Variants in H6PD observed in about 807,000 individuals in gnomAD.
H6PD encodes the protein hexose-6-phosphate dehydrogenase/glucose 1-dehydrogenase, also known as GDH/6PGL endoplasmic bifunctional protein.
In H6PD, 48 loss-of-function variants were observed where a neutral mutation model predicts 61.2. The observed-to-expected ratio is 0.78, with a 90% CI of 0.62 to 1.00. H6PD has a LOEUF of 1.00. H6PD is among the 50% of genes least tolerant of loss of function. The probability of loss-of-function intolerance (pLI) is 0.00; values close to 1 mark genes in which losing one functional copy is unlikely to be tolerated. For synonymous variants in H6PD, 480 were observed against 457.9 expected, an observed-to-expected ratio of 1.05 and a Z score of -0.62; for missense variants, 1,093 against 1,065.0, an observed-to-expected ratio of 1.03 and a Z score of -0.37.
At position 9,249,367 on chromosome 1, in the gene H6PD, C is replaced by A. The variant is rs3861753; in HGVS notation, c.745+2284C>A. On this transcript the variant is annotated intron_variant, in intron 3 of 4. Transcript: ENST00000377403. ...AAAGAAACACGGAAGATATGAAAGA[C>A]AGACAGGTGGAGCTCTGGGCAGGTC... is the stretch of plus-strand genomic sequence containing the variant. Among the ~76,000 whole-genome samples, 1,141 of 152,290 alleles carry A rather than the reference C, an allele frequency of 7.5e-3. 12 individuals carry two copies. The highest frequency in any genetic ancestry group is 0.026 in the African/African-American group (1,080 of 41,540).
rs1366784928 is a variant in H6PD, at chr1:9,271,216, G to GA, written c.*6348dup. On this transcript the variant is annotated 3_prime_UTR_variant, in exon 5 of 5. Transcript: ENST00000377403. ...CCCAAAGTGCTGGGATTACAGGCGG[G>GA]AGCCACCATGCCTGGCCAGAACAAA... The GA allele has an allele frequency of 6.6e-6, 1 of 152,210 alleles. No individual in the cohort carries two copies. Among genetic ancestry groups the GA allele is most frequent in the Non-Finnish European group, 1.5e-5 (1 of 68,040 alleles). 9.4% of individuals were successfully genotyped at this position (152,210 alleles called of 1,614,324 possible).
chr1:9,242,131 G>C lies in H6PD; in HGVS notation c.-10-2794G>C, dbSNP rs79388906. 6.1e-3 allele frequency among the ~76,000 whole-genome samples: 936 copies of C among 152,238 alleles called. 5 individuals are homozygous for C. The highest frequency in any genetic ancestry group is 0.021 in the African/African-American group (858 of 41,544). ...AGAAAGGGAGCAGGAGGCGAGGACCGCGTGTTTGTTCTGATGCCCTCCTTT... is the reference window on the plus strand; with the variant it reads ...AGAAAGGGAGCAGGAGGCGAGGACCCCGTGTTTGTTCTGATGCCCTCCTTT... On this transcript the variant is annotated intron_variant, in intron 1 of 4. Transcript: ENST00000377403.
chr1:9,258,685 C>T (rs562891789), intron 3 of H6PD, among the ~76,000 whole-genome samples: 39 of 140,240 alleles, frequency 2.8e-4, no homozygotes, highest in Non-Finnish European at 5.5e-4. Context: ...GCTGGTGTTA[C>T]ATTGTTACAC....
chr1:9,262,286 C>T lies in H6PD; in HGVS notation c.973C>T (p.Gln325Ter). Residue 325 changes from glutamine to a stop codon, truncating the protein, a stop_gained, in exon 4 of 5, where the codon CAG becomes TAG. Transcript: ENST00000377403. LOFTEE classifies it low-confidence loss of function (END_TRUNC). ...SYSEQVRREL[Q>*]KPDSFHSLTP... ...CAGTGAGCAGGTGCGCAGAGAGCTG[C>T]AGAAGCCAGACAGCTTCCACAGCCT... is the stretch of plus-strand genomic sequence containing the variant. 3.7e-6 allele frequency: 6 copies of T among 1,608,754 alleles called. No homozygotes were observed. The highest frequency in any genetic ancestry group is 5.1e-6 in the Non-Finnish European group (6 of 1,177,628).
Position 9,270,930 on chromosome 1 carries a change from C to CACATTCAGA in H6PD, c.*6065_*6073dup, listed in dbSNP as rs1395816854. ...CAGATGCCTGCCTGGGATGATGAGGCACATTCAGAACAAATGCTTTTTTTT... is the reference window on the plus strand; with the variant it reads ...CAGATGCCTGCCTGGGATGATGAGGCACATTCAGAACATTCAGAACAAATGCTTTTTTTT... On this transcript the variant is annotated 3_prime_UTR_variant, in exon 5 of 5. Transcript: ENST00000377403. The CACATTCAGA allele has an allele frequency of 1.4e-5, 2 of 146,598 alleles. No individual in the cohort carries two copies. Among genetic ancestry groups the CACATTCAGA allele is most frequent in the Non-Finnish European group, 3.0e-5 (2 of 67,072 alleles). 9.1% of individuals were successfully genotyped at this position (146,598 alleles called of 1,614,324 possible). A position where few individuals can be genotyped will look rare whatever the true frequency, so the allele number is the denominator to read the frequency against.
In H6PD at chr1:9,264,920, G is replaced by A; in HGVS notation, c.*51G>A. On this transcript the variant is annotated 3_prime_UTR_variant, in exon 5 of 5. Transcript: ENST00000377403. ...CGCTCCTGTGCTTTCCTTCGCCCGT[G>A]TCTTCCCTCCCTTCTCGGCCCCGCC... The A allele has an allele frequency of 6.3e-7, 1 of 1,597,672 alleles. No homozygotes were observed. The highest frequency in any genetic ancestry group is 8.5e-7 in the Non-Finnish European group (1 of 1,174,156).
intron 3 of H6PD, among the ~76,000 whole-genome samples, chr1:9,258,266 T>A (rs76607267): frequency 1.7e-5 from 1 of 60,438 alleles, no homozygotes; most frequent in African/African-American, 3.7e-5. Context: ...TACATCAGTG[T>A]TGTTACGTTG....
intron 1 of H6PD, among the ~76,000 whole-genome samples, chr1:9,235,295 G>T (rs968752937): frequency 1.3e-5 from 2 of 152,088 alleles, no homozygotes; most frequent in Non-Finnish European, 2.9e-5. Flanking sequence ...TTCCAGGAGA[G>T]GGGGAACTCC....
rs1641200367 is a variant in H6PD at position 9,247,037 on chromosome 1, T to C, written c.699T>C (p.His233=). Residue 233 remains histidine (H), a synonymous_variant, in exon 3 of 5, where the codon CAT becomes CAC. Transcript: ENST00000377403. The stretch of plus-strand genomic sequence containing the variant: ...TGGACGGCCTCTGGAACCGGCACCA[T>C]GTGGAGCGGGTGGAGATCATCATGA... ...KALDGLWNRH[H]VERVEIIMKE... The C allele has an allele frequency of 1.9e-6, 3 of 1,613,580 alleles. No homozygotes were observed. The highest frequency in any genetic ancestry group is 2.5e-6 in the Non-Finnish European group (3 of 1,179,654).
chr1:9,244,878 A>G, intron 1 of H6PD, 47 bp from the exon 2 acceptor site: 2 of 1,581,654 alleles, frequency 1.3e-6, no homozygotes, highest in South Asian at 1.1e-5. Flanking sequence ...CACCTGAACC[A>G]TGTCTGATCC....
intron 4 of H6PD, 121 bp from the exon 5 acceptor site, chr1:9,263,367 CAGGCGAGGGGTGAGCATGGCA>C: frequency 1.3e-6 from 1 of 796,240 alleles, no homozygotes; most frequent in Non-Finnish European, 2.2e-6. Flanking sequence ...GAAGAGATGC[CAGGCGAGGGGTGAGCATGGCA>C]AGGCGAGGGG....
chr1:9,262,400 C>T, intron 4 of H6PD, 72 bp downstream of exon 4: 3 of 1,397,532 alleles, frequency 2.1e-6, no homozygotes, highest in South Asian at 1.2e-5. Context: ...AATGCAGACG[C>T]CCTTGGGTGG....
Position 9,271,112 on chromosome 1 carries a change from T to G in H6PD, c.*6243T>G, listed in dbSNP as rs1310942588. 1.3e-5 allele frequency: 2 copies of G among 152,272 alleles called. No individual in the cohort carries two copies. The highest frequency in any genetic ancestry group is 2.9e-5 in the Non-Finnish European group (2 of 68,042). The allele number at this position is 152,272 out of a possible 1,614,324, so 9.4% of individuals were successfully genotyped here. ...CCATGCCCAGCAAATTTTTGTGTTT[T>G]TAGTAGAGACGGAGTTTCACCATGT... On this transcript the variant is annotated 3_prime_UTR_variant, in exon 5 of 5. Transcript: ENST00000377403.
chr1:9,248,202 C>G (rs1336656278), intron 3 of H6PD, among the ~76,000 whole-genome samples: 1 of 152,228 alleles, frequency 6.6e-6, no homozygotes, highest in Non-Finnish European at 1.5e-5. Context: ...CAGTGCGTGC[C>G]CGCCACAGGG....
chr1:9,258,954 T>C (rs1641621602), intron 3 of H6PD, among the ~76,000 whole-genome samples: 1 of 152,178 alleles, frequency 6.6e-6, no homozygotes, highest in Non-Finnish European at 1.5e-5. Context: ...GTTACGATGA[T>C]GGTGTTATGT....
In H6PD at chr1:9,264,612, C is replaced by T; in HGVS notation, c.2119C>T (p.Pro707Ser). 1.9e-6 allele frequency: 3 copies of T among 1,613,086 alleles called. No homozygotes were observed. The South Asian group carries it at 3.3e-5, about 18-fold the overall frequency. ...GHTASLFPQS[P>S]TGLDGEQLVV... ...CACAGCCTCCCTCTTCCCACAGTCA[C>T]CCACTGGCCTGGATGGCGAGCAGCT... Residue 707 changes from proline to serine, a missense_variant, in exon 5 of 5, where the codon CCC becomes TCC. Physicochemically the swap from Pro to Ser is moderately conservative, Grantham distance 74. Coordinates refer to ENST00000377403, the MANE Select transcript of H6PD (RefSeq NM_004285.4).
At position 9,262,335 on chromosome 1, in the gene H6PD, C is replaced by T; in HGVS notation, c.1015+7C>T. ...CTGACGCCGACCTTCGCAGGTGGGC[C>T]CTGGGGCTGGGCATGGGGCACTGGG... On this transcript the variant is annotated splice_region_variant and intron_variant, in intron 4 of 4. Transcript: ENST00000377403. 1 of 1,596,240 alleles carries T rather than the reference C, an allele frequency of 6.3e-7. No homozygotes were observed. Among genetic ancestry groups the T allele is most frequent in the Admixed American group, 1.7e-5 (1 of 57,588 alleles).
In H6PD at chr1:9,268,027, G is replaced by A. The variant is rs57355294; in HGVS notation, c.*3158G>A. 0.2 allele frequency: 30,302 copies of A among 151,902 alleles called. 3,371 individuals are homozygous for A. The highest frequency in any genetic ancestry group is 0.26 in the Non-Finnish European group (17,597 of 67,932). 9.4% of individuals were successfully genotyped at this position (151,902 alleles called of 1,614,324 possible). A position where few individuals can be genotyped will look rare whatever the true frequency, so the allele number is the denominator to read the frequency against. On this transcript the variant is annotated 3_prime_UTR_variant, in exon 5 of 5. Coordinates refer to ENST00000377403, the MANE Select transcript of H6PD (RefSeq NM_004285.4). ...GGAGGCTGAGGTGAGAGGATCACTT[G>A]AGCCCAGAAGGTTGAAACCAGCCTG...
chr1:9,244,271 A>T (rs1486591345), intron 1 of H6PD, among the ~76,000 whole-genome samples: 1 of 152,190 alleles, frequency 6.6e-6, no homozygotes, highest in African/African-American at 2.4e-5. Context: ...TGCTGTAGGT[A>T]CCGCTATTAC....
Sources: allele counts gnomAD v4.1 joint callset (sites outside exome capture counted in the v4.1 genomes callset), GRCh38; gene constraint gnomAD v4.1.1; transcripts MANE v1.5; gene names NCBI Gene and HGNC (gene_info 2026-07-23, HGNC 2026-07-21).